Variants in ADGRG2 observed in about 807,000 individuals in gnomAD.
ADGRG2 encodes the protein adhesion G protein-coupled receptor G2.
ADGRG2 carries 26 observed loss-of-function variants against 74.1 expected under a neutral mutation model. That is an observed-to-expected ratio of 0.35 (90% confidence interval 0.26 to 0.49). ADGRG2 has a LOEUF of 0.49. Among genes scored for constraint, ADGRG2 ranks in the 20% least tolerant of loss-of-function variants. The pLI, the probability that ADGRG2 is intolerant of heterozygous loss-of-function variation, is 0.99. For missense variants in ADGRG2, 619 were observed against 763.1 expected (o/e 0.81, Z 2.22); for synonymous variants, 296 against 295.2 (o/e 1.00, Z -0.03).
Position 19,052,193 on chromosome X carries a change from C to T in ADGRG2, c.119-11969G>A, listed in dbSNP as rs773865574. ...ACTTGTTTGACTTGAGAGCCCATAC[C>T]TCTTTCACTAAGCCATACCATCTCC... On this transcript the variant is annotated intron_variant, in intron 3 of 28. Transcript: ENST00000379869. Among the ~76,000 whole-genome samples, 11 of 112,071 alleles carry T rather than the reference C, an allele frequency of 9.8e-5. No homozygotes were observed. In the South Asian group the frequency reaches 4.1e-3, roughly 42 times the overall value.
chrX:19,006,043 T>C lies in ADGRG2; in HGVS notation c.1798A>G (p.Ile600Val), dbSNP rs780155656. 1 of 1,208,557 alleles carries C rather than the reference T, an allele frequency of 8.3e-7. No individual in the cohort carries two copies. The highest frequency in any genetic ancestry group is 1.1e-6 in the Non-Finnish European group (1 of 892,745). ...CTTGTTAGATGGCTACAGGTACAGA[T>C]GGTTTCATTCAATCTCCTGTCTTTG... ...SVKDRRLNETICTCSHLTSFG... is the reference protein window; with the variant it reads ...SVKDRRLNETVCTCSHLTSFG... The change falls in exon 22 of 29, where the codon ATC (isoleucine) becomes GTC (valine). Residue 600 changes from isoleucine to valine, a missense_variant. Ile to Val is a conservative substitution (Grantham distance 29). Transcript: ENST00000379869.
chrX:19,063,640 C>T (rs746127935), intron 3 of ADGRG2, among the ~76,000 whole-genome samples: 6 of 112,161 alleles, frequency 5.3e-5, no homozygotes, highest in Admixed American at 9.5e-5. Context: ...GTTCGCCACC[C>T]GCCTCGCCAA....
intron 11 of ADGRG2, 104 bp downstream of exon 11, chrX:19,027,115 G>T: frequency 1.6e-6 from 1 of 622,006 alleles, no homozygotes. Flanking sequence ...TAACCTTTGG[G>T]CTGGTCTCTT....
intron 2 of ADGRG2, among the ~76,000 whole-genome samples, chrX:19,076,314 G>A (rs1311759084): frequency 9.0e-6 from 1 of 111,489 alleles, no homozygotes; most frequent in Admixed American, 9.5e-5. Context: ...CTCCGGGTAG[G>A]CATGACTTCT....
At chrX:19,090,773 T>C (rs767230991) in intron 1 of ADGRG2, among the ~76,000 whole-genome samples, 2 of 111,532 alleles carry the variant, frequency 1.8e-5, no homozygotes, top group African/African-American at 6.5e-5. Context: ...TTGTTTGTGG[T>C]TATGATGTTA....
intron 3 of ADGRG2, among the ~76,000 whole-genome samples, chrX:19,050,730 T>A (rs985567761): frequency 1.1e-4 from 12 of 111,174 alleles, no homozygotes; most frequent in African/African-American, 3.0e-4. Flanking sequence ...TCTAAAAAAA[T>A]TTTTTTTAAA....
intron 8 of ADGRG2, chrX:19,031,895 A>G (rs2060832784): frequency 8.9e-6 from 1 of 112,426 alleles, no homozygotes; most frequent in African/African-American, 3.2e-5. Flanking sequence ...TTGGCAAAGC[A>G]TAAGAAATCC....
chrX:19,000,720 G>T (rs896154397), intron 24 of ADGRG2, among the ~76,000 whole-genome samples: 1 of 109,755 alleles, frequency 9.1e-6, no homozygotes, highest in Non-Finnish European at 1.9e-5. Flanking sequence ...TGTTACAGCT[G>T]CCAGTGTTGC....
Position 19,068,756 on chromosome X carries a change from T to C in ADGRG2, c.79A>G (p.Ile27Val), listed in dbSNP as rs955668458. Residue 27 changes from isoleucine (I) to valine (V), a missense_variant, in exon 3 of 29, where the codon ATC (isoleucine) becomes GTC (valine). By Grantham distance (29) the Ile-to-Val change is conservative. Around this residue, in one of 3 missense-constraint regions of ADGRG2, gnomAD observed 292 missense variants for 318.0 expected, o/e 0.92. Coordinates refer to ENST00000379869, the MANE Select transcript of ADGRG2 (RefSeq NM_001079858.3). ...ACCAGAACGACATGAAGACAAATGA[T>C]GACAAGGAATATCTTGAACGTCAGT... ...VLLTFKIFLV[I>V]ICLHVVLVTS... 7 of 1,145,154 alleles carry C rather than the reference T, an allele frequency of 6.1e-6. No individual in the cohort carries two copies. In the African/African-American group the frequency reaches 1.3e-4, roughly 21 times the overall value. 94.4% of individuals were successfully genotyped at this position (1,145,154 alleles called of 1,213,427 possible).
chrX:19,002,563 C>T (rs913588455), intron 24 of ADGRG2, among the ~76,000 whole-genome samples: 2 of 111,931 alleles, frequency 1.8e-5, no homozygotes, highest in South Asian at 3.7e-4. Context: ...ATATTGAGCA[C>T]CTTCTGTGCC....
rs2060312790 is a variant in ADGRG2, at chrX:19,009,668, G to A, written c.1380C>T (p.Phe460=). The change falls in exon 18 of 29, where the codon TTC becomes TTT. Residue 460 remains phenylalanine, a synonymous_variant. Transcript: ENST00000379869. ...LAVIRVNASS[F]NTTTFVAQDP... Reference sequence around the variant, plus strand: ...CTTGGGCCACAAAGGTAGTTGTGTTGAAACTACTGGCATTCACTCTGATCA... The same window carrying A: ...CTTGGGCCACAAAGGTAGTTGTGTTAAAACTACTGGCATTCACTCTGATCA... 1 of 1,206,469 alleles carries A rather than the reference G, an allele frequency of 8.3e-7. No individual in the cohort carries two copies. Among genetic ancestry groups the A allele is most frequent in the East Asian group, 3.0e-5 (1 of 33,834 alleles).
rs753578113 is a variant in ADGRG2 at position 18,999,994 on chromosome X, T to C, written c.2231-34A>G. On this transcript the variant is annotated intron_variant, in intron 24 of 28. Coordinates refer to ENST00000379869, the MANE Select transcript of ADGRG2 (RefSeq NM_001079858.3). ...TGGGAAACATTGGTCACACCTAATT[T>C]TTTTTTTTTTTTTTTTTGAGACGGA... The C allele has an allele frequency of 6.4e-6, 4 of 622,324 alleles. No homozygotes were observed. In the African/African-American group the frequency reaches 9.6e-5, roughly 15 times the overall value. 51.3% of individuals were successfully genotyped at this position (622,324 alleles called of 1,213,427 possible). A position where few individuals can be genotyped will look rare whatever the true frequency, so the allele number is the denominator to read the frequency against.
rs773258905 is a variant in ADGRG2 at position 19,033,648 on chromosome X, G to GT, written c.268dup (p.Thr90AsnfsTer2). 2 of 811,115 alleles carry GT rather than the reference G, an allele frequency of 2.5e-6. No homozygotes were observed. Among genetic ancestry groups the GT allele is most frequent in the Admixed American group, 2.5e-5 (1 of 39,685 alleles). The allele number at this position is 811,115 out of a possible 1,213,427, so 66.8% of individuals were successfully genotyped here. A position where few individuals can be genotyped will look rare whatever the true frequency, so the allele number is the denominator to read the frequency against. ...GAAGGTTTTTACTATAGTGATTTTA[G>GT]TTTTTTCTGCAAAGAAACAACTTAA... On this transcript the variant is annotated frameshift_variant, in exon 8 of 29. Transcript: ENST00000379869. LOFTEE classifies it high-confidence loss of function.
At chrX:19,115,073 G>C (rs2062486991) in intron 1 of ADGRG2, among the ~76,000 whole-genome samples, 1 of 111,735 alleles carries the variant, frequency 8.9e-6, no homozygotes, top group African/African-American at 3.3e-5. Context: ...AAATATAGTG[G>C]ATACCAGGTG....
chrX:18,998,600 CTTTTT>C (rs768424519), intron 26 of ADGRG2, among the ~76,000 whole-genome samples: 3 of 81,237 alleles, frequency 3.7e-5, no homozygotes, highest in African/African-American at 4.7e-5. Flanking sequence ...ACAGATAGTA[CTTTTT>C]TTTTTTTTTT....
intron 11 of ADGRG2, among the ~76,000 whole-genome samples, chrX:19,026,504 T>C (rs1454673077): frequency 9.1e-6 from 1 of 109,510 alleles, no homozygotes; most frequent in Non-Finnish European, 1.9e-5. Context: ...ACTTTTTTTT[T>C]TTTTTTTTGA....
At chrX:19,090,095 G>C (rs1201714494) in intron 1 of ADGRG2, among the ~76,000 whole-genome samples, 1 of 111,158 alleles carries the variant, frequency 9.0e-6, no homozygotes, top group Admixed American at 9.6e-5. Context: ...TGCTGGCCTG[G>C]GCTGATTCTA....
At chrX:19,045,495 A>G (rs2061167608) in intron 3 of ADGRG2, among the ~76,000 whole-genome samples, 1 of 108,379 alleles carries the variant, frequency 9.2e-6, no homozygotes, top group Non-Finnish European at 1.9e-5. Flanking sequence ...TTTAGTAGAG[A>G]CGGGGTTTCA....
At chrX:19,008,514 A>G (rs1249177210) in intron 18 of ADGRG2, among the ~76,000 whole-genome samples, 1 of 110,458 alleles carries the variant, frequency 9.1e-6, no homozygotes, top group Non-Finnish European at 1.9e-5. Flanking sequence ...AAAAATACAA[A>G]AATTAGCCGG....
Sources: allele counts gnomAD v4.1 joint callset (sites outside exome capture counted in the v4.1 genomes callset), GRCh38; gene constraint gnomAD v4.1.1; regional missense constraint gnomAD v4.1.1; transcripts MANE v1.5; gene names NCBI Gene and HGNC (gene_info 2026-07-23, HGNC 2026-07-21).